SEPHS1: variants seen among roughly 807,000 people sequenced by gnomAD.
SEPHS1 encodes the protein zincore component SEPHS1.
Under a neutral mutation model 39.2 loss-of-function variants are expected in SEPHS1, and 7 were observed. That is an observed-to-expected ratio of 0.18 (90% CI 0.10 to 0.34). The LOEUF (loss-of-function observed/expected upper bound fraction) is 0.34. Among genes scored for constraint, SEPHS1 ranks in the 10% least tolerant of loss-of-function variants. The pLI is 1.00. For synonymous variants in SEPHS1, 190 were observed against 195.5 expected (o/e 0.97, Z 0.23); for missense variants, 253 against 514.5 (o/e 0.49, Z 4.92).
At chr10:13,328,070 T>G (rs984695781) in intron 7 of SEPHS1, among the ~76,000 whole-genome samples, 1 of 152,190 alleles carries the variant, frequency 6.6e-6, no homozygotes, top group African/African-American at 2.4e-5. Flanking sequence ...TCTGAATGGT[T>G]TGCTTCCAAA....
intron 3 of SEPHS1, among the ~76,000 whole-genome samples, chr10:13,337,436 A>C (rs1833672528): frequency 6.6e-6 from 1 of 152,248 alleles, no homozygotes; most frequent in Non-Finnish European, 1.5e-5. Context: ...TAGACAATAA[A>C]GAGAAAATAC....
At chr10:13,335,302 G>A (rs1833592673) in intron 4 of SEPHS1, among the ~76,000 whole-genome samples, 1 of 152,178 alleles carries the variant, frequency 6.6e-6, no homozygotes, top group Non-Finnish European at 1.5e-5. Context: ...TAAGTGCCAC[G>A]TGTCCCACAT....
chr10:13,328,684 T>C (rs1833377635), intron 6 of SEPHS1, among the ~76,000 whole-genome samples: 1 of 152,196 alleles, frequency 6.6e-6, no homozygotes, highest in African/African-American at 2.4e-5. Context: ...TTAAGTGCTG[T>C]GATTTATTGG....
At chr10:13,330,474 A>G (rs759933052) in intron 5 of SEPHS1, among the ~76,000 whole-genome samples, 1 of 152,206 alleles carries the variant, frequency 6.6e-6, no homozygotes. Flanking sequence ...AGGCACCTCT[A>G]AAAGATGACA....
At chr10:13,328,218 C>T (rs1001533479) in intron 7 of SEPHS1, 133 bp downstream of exon 7, 3 of 614,128 alleles carry the variant, frequency 4.9e-6, no homozygotes, top group Middle Eastern at 4.5e-4. Context: ...CAACCTGGTA[C>T]CAGGAGAAGA....
At chr10:13,337,784 C>A (rs1394499636) in intron 3 of SEPHS1, among the ~76,000 whole-genome samples, 1 of 152,180 alleles carries the variant, frequency 6.6e-6, no homozygotes, top group African/African-American at 2.4e-5. Context: ...GGCTTACCTG[C>A]CCAGTCTCAA....
rs1564448959 is a variant in SEPHS1, at chr10:13,333,909, T to G, written c.468A>C (p.Gly156=). ...CTGTTTGGCCGCCTGTTACAGATGT[T>G]CCTGCTTCCTCAGCTGCGTCTTTAA... ...QGFKDAAEEA[G]TSVTGGQTVL... The change falls in exon 5 of 9, where the codon GGA becomes GGC. Residue 156 remains glycine (G), a synonymous_variant. Transcript: ENST00000327347. 6.2e-7 allele frequency: 1 copy of G among 1,613,812 alleles called. No individual in the cohort carries two copies. The highest frequency in any genetic ancestry group is 1.7e-5 in the Admixed American group (1 of 60,012).
In SEPHS1 at chr10:13,329,864, G is replaced by A. The variant is rs1028641096; in HGVS notation, c.561-76C>T. 1.7e-5 allele frequency: 20 copies of A among 1,200,892 alleles called. No individual in the cohort carries two copies. The African/African-American group carries it at 2.6e-4, about 15-fold the overall frequency. The allele number at this position is 1,200,892 out of a possible 1,614,324, so 74.4% of individuals were successfully genotyped here. A position where few individuals can be genotyped will look rare whatever the true frequency, so the allele number is the denominator to read the frequency against. On this transcript the variant is annotated intron_variant, in intron 5 of 8. Coordinates refer to ENST00000327347, the MANE Select transcript of SEPHS1 (RefSeq NM_012247.5). Reference sequence around the variant, plus strand: ...CTCATTGTTATTAACACAAGAGAAGGAATAATCTGTCAAAAATATATCTGC... The same window carrying A: ...CTCATTGTTATTAACACAAGAGAAGAAATAATCTGTCAAAAATATATCTGC...
chr10:13,329,341 A>G (rs1384462509), intron 6 of SEPHS1, among the ~76,000 whole-genome samples: 1 of 152,172 alleles, frequency 6.6e-6, no homozygotes, highest in Non-Finnish European at 1.5e-5. Context: ...TTTTATTTAT[A>G]CCCCAAACAC....
chr10:13,340,792 TATCC>T (rs1833760286), intron 2 of SEPHS1: 2 of 151,772 alleles, frequency 1.3e-5, no homozygotes, highest in Admixed American at 1.3e-4. Flanking sequence ...GCAGCTCCGT[TATCC>T]ACGGTTTCTC....
At chr10:13,323,891 A>G (rs1173709131) in intron 7 of SEPHS1, among the ~76,000 whole-genome samples, 1 of 152,120 alleles carries the variant, frequency 6.6e-6, no homozygotes, top group East Asian at 1.9e-4. Context: ...GCCACTGCTC[A>G]ATAATATTCC....
chr10:13,317,879 A>G lies in SEPHS1; in HGVS notation c.*1263T>C, dbSNP rs1306213941. ...AAATATAAGGAAGCCTCCACTTTAC[A>G]TAACACAGAGAACACCTTTTTAGAT... On this transcript the variant is annotated 3_prime_UTR_variant, in exon 9 of 9. Transcript: ENST00000327347. 1 of 152,206 alleles carries G rather than the reference A, an allele frequency of 6.6e-6. No homozygotes were observed. Among genetic ancestry groups the G allele is most frequent in the African/African-American group, 2.4e-5 (1 of 41,460 alleles). The allele number at this position is 152,206 out of a possible 1,614,324, so 9.4% of individuals were successfully genotyped here. A position where few individuals can be genotyped will look rare whatever the true frequency, so the allele number is the denominator to read the frequency against.
intron 4 of SEPHS1, among the ~76,000 whole-genome samples, chr10:13,334,772 CT>C (rs1833576977): frequency 6.6e-6 from 1 of 152,194 alleles, no homozygotes; most frequent in Non-Finnish European, 1.5e-5. Flanking sequence ...TTATCCAATG[CT>C]GGAAGATGTT....
Position 13,333,858 on chromosome 10 carries a change from T to G in SEPHS1, c.519A>C (p.Gly173=), listed in dbSNP as rs376229704. ...GTTGGCAGACAGTGGTAGCCACTCC[T>G]CCCAGGACAATCCAGGGGTTTAGTA... ...QTVLNPWIVL[G]GVATTVCQPN... The change falls in exon 5 of 9, where the codon GGA becomes GGC. Residue 173 remains glycine (G), a synonymous_variant. Transcript: ENST00000327347. 4 of 1,613,956 alleles carry G rather than the reference T, an allele frequency of 2.5e-6. No homozygotes were observed. The African/African-American group carries it at 5.3e-5, about 22-fold the overall frequency.
At chr10:13,324,310 T>C (rs1476407409) in intron 7 of SEPHS1, among the ~76,000 whole-genome samples, 1 of 152,224 alleles carries the variant, frequency 6.6e-6, no homozygotes, top group African/African-American at 2.4e-5. Context: ...ACACTACATT[T>C]TGTTTATCCA....
At chr10:13,322,680 G>A (rs935625253) in intron 8 of SEPHS1, among the ~76,000 whole-genome samples, 155 bp downstream of exon 8, 2 of 152,174 alleles carry the variant, frequency 1.3e-5, no homozygotes, top group East Asian at 1.9e-4. Flanking sequence ...CAGACCCACC[G>A]GGAGGAGGAA....
intron 2 of SEPHS1, among the ~76,000 whole-genome samples, chr10:13,341,639 T>C (rs1414901037): frequency 1.3e-5 from 2 of 152,094 alleles, no homozygotes; most frequent in African/African-American, 4.8e-5. Flanking sequence ...CCAGAAAACA[T>C]GACATTCAAT....
intron 2 of SEPHS1, among the ~76,000 whole-genome samples, chr10:13,343,437 ATCTGCTTTC>A (rs1167459537): frequency 1.3e-5 from 2 of 152,178 alleles, no homozygotes; most frequent in Non-Finnish European, 2.9e-5. Context: ...GTCTGCTTTT[ATCTGCTTTC>A]TCTATCTGGG....
Position 13,336,302 on chromosome 10 carries a change from C to T in SEPHS1, c.346G>A (p.Val116Ile). The T allele has an allele frequency of 6.2e-7, 1 of 1,613,948 alleles. No homozygotes were observed. Among genetic ancestry groups the T allele is most frequent in the Non-Finnish European group, 8.5e-7 (1 of 1,179,900 alleles). ...NVLSDLYAMG[V>I]TECDNMLMLL... ...ATCAGCATATTGTCACATTCCGTGA[C>T]CCCCATTGCATAGAGGTCACTGAGG... The change falls in exon 4 of 9, where the codon GTC becomes ATC. Residue 116 changes from valine to isoleucine, a missense_variant. Val to Ile is a conservative substitution (Grantham distance 29). This residue lies in a region of SEPHS1 where 123 missense variants were observed against 196.8 expected (regional missense o/e 0.62). Transcript: ENST00000327347.
Sources: gnomAD v4.1 joint callset for allele counts (sites outside exome capture counted in the v4.1 genomes callset) on GRCh38, gnomAD v4.1.1 for gene constraint, gnomAD v4.1.1 regional missense constraint, MANE v1.5 for transcripts, NCBI Gene and HGNC (gene_info 2026-07-23, HGNC 2026-07-21) for gene names.